JAK2: variants seen among roughly 807,000 people sequenced by gnomAD.
JAK2 encodes tyrosine-protein kinase JAK2.
Under a neutral mutation model 139.3 loss-of-function variants are expected in JAK2, and 86 were observed. That is an observed-to-expected ratio of 0.62 (90% CI 0.52 to 0.74). The LOEUF (loss-of-function observed/expected upper bound fraction) is 0.74. Among genes scored for constraint, JAK2 ranks in the 30% least tolerant of loss-of-function variants. JAK2 has a pLI of 0.00. For missense variants in JAK2, 1,421 were observed against 1,360.3 expected, an observed-to-expected ratio of 1.04 and a Z score of -0.70; for synonymous variants, 490 against 437.7, an observed-to-expected ratio of 1.12 and a Z score of -1.49.
chr9:5,111,272 TCAGG>T (rs1822495637), intron 22 of JAK2: 3 of 490,668 alleles, frequency 6.1e-6, no homozygotes, highest in South Asian at 1.8e-5. Context: ...GCAGCCTGAC[TCAGG>T]CTGGCTTCCT....
intron 2 of JAK2, among the ~76,000 whole-genome samples, chr9:5,015,752 T>C (rs1284703440): frequency 1.3e-5 from 2 of 152,214 alleles, no homozygotes; most frequent in Non-Finnish European, 2.9e-5. Flanking sequence ...ATGCATTTTC[T>C]AAATGATTGA....
At chr9:5,063,119 G>A (rs1438164553) in intron 8 of JAK2, among the ~76,000 whole-genome samples, 1 of 151,988 alleles carries the variant, frequency 6.6e-6, no homozygotes, top group Non-Finnish European at 1.5e-5. Context: ...TTTGGTTGAG[G>A]ACTCTATTCT....
At chr9:5,022,313 T>A in intron 3 of JAK2, 100 bp downstream of exon 3, 1 of 710,366 alleles carries the variant, frequency 1.4e-6, no homozygotes, top group South Asian at 2.3e-5. Context: ...TTTATTTTTT[T>A]AATGCTTGTA....
At chr9:5,119,479 C>CTAT (rs1216053499) in intron 22 of JAK2, among the ~76,000 whole-genome samples, 6 of 151,566 alleles carry the variant, frequency 4.0e-5, no homozygotes, top group Non-Finnish European at 8.8e-5. Context: ...GTATCTCTGC[C>CTAT]TATACATGTG....
chr9:5,035,684 T>C (rs559429637), intron 4 of JAK2, among the ~76,000 whole-genome samples: 1 of 152,316 alleles, frequency 6.6e-6, no homozygotes, highest in East Asian at 1.9e-4. Context: ...TCAACAACCC[T>C]TCATGCTAAA....
chr9:5,105,645 C>T (rs2094620), intron 22 of JAK2, among the ~76,000 whole-genome samples: 24,413 of 152,122 alleles, frequency 0.16, 2,263 homozygotes, highest in Middle Eastern at 0.22. Flanking sequence ...GGAGGCATCA[C>T]ACTACGTAAC....
At chr9:5,012,120 C>T (rs1821743545) in intron 2 of JAK2, among the ~76,000 whole-genome samples, 1 of 152,170 alleles carries the variant, frequency 6.6e-6, no homozygotes, top group South Asian at 2.1e-4. Flanking sequence ...CAATTTTTGG[C>T]TTTTCTAGCA....
At chr9:5,020,328 C>T (rs981179221) in intron 2 of JAK2, among the ~76,000 whole-genome samples, 3 of 152,106 alleles carry the variant, frequency 2.0e-5, no homozygotes, top group Admixed American at 6.5e-5. Context: ...CTGGTGCGAT[C>T]CCAAGGCCCC....
chr9:5,087,790 C>A (rs1820249214), intron 19 of JAK2, among the ~76,000 whole-genome samples: 1 of 152,148 alleles, frequency 6.6e-6, no homozygotes, highest in African/African-American at 2.4e-5. Context: ...ATCTTTTGAA[C>A]AGCTAATTAA....
At chr9:5,006,855 A>G (rs998335985) in intron 2 of JAK2, among the ~76,000 whole-genome samples, 2 of 152,176 alleles carry the variant, frequency 1.3e-5, no homozygotes, top group Admixed American at 6.5e-5. Flanking sequence ...TTCAAATTTT[A>G]TATTTCTTCT....
intron 13 of JAK2, 141 bp from the exon 14 acceptor site, chr9:5,073,557 G>T (rs751240970): frequency 2.3e-4 from 152 of 663,490 alleles, no homozygotes; most frequent in Non-Finnish European, 3.2e-4. Context: ...CCATATAAAG[G>T]GACCAAAGCA....
intron 5 of JAK2, among the ~76,000 whole-genome samples, chr9:5,045,861 T>G (rs1290782837): frequency 6.6e-6 from 1 of 152,190 alleles, no homozygotes; most frequent in African/African-American, 2.4e-5. Context: ...GGTAAACAAA[T>G]ATTTCCTTGA....
Position 5,127,878 on chromosome 9 carries a change from G to A in JAK2, c.*1087G>A, listed in dbSNP as rs199991050. 4 of 232,454 alleles carry A rather than the reference G, an allele frequency of 1.7e-5. No homozygotes were observed. In the East Asian group the frequency reaches 2.4e-4, roughly 14 times the overall value. 14.4% of individuals were successfully genotyped at this position (232,454 alleles called of 1,614,324 possible). ...AGAGATTTATTTCCTTTTTAGAGGG[G>A]AAATGAGGTAAATAAGTAAAAAAGT... On this transcript the variant is annotated 3_prime_UTR_variant, in exon 25 of 25. Coordinates refer to ENST00000381652, the MANE Select transcript of JAK2 (RefSeq NM_004972.4).
intron 5 of JAK2, 30 bp from the exon 6 acceptor site, chr9:5,050,656 G>A: frequency 6.3e-7 from 1 of 1,591,894 alleles, no homozygotes; most frequent in Non-Finnish European, 8.6e-7. Context: ...AACTTACGAT[G>A]AGATATTTCC....
At chr9:4,992,131 G>C (rs1188938103) in intron 2 of JAK2, among the ~76,000 whole-genome samples, 1 of 152,178 alleles carries the variant, frequency 6.6e-6, no homozygotes, top group Non-Finnish European at 1.5e-5. Flanking sequence ...TGAAGGCAAA[G>C]GACTGGAATC....
intron 4 of JAK2, among the ~76,000 whole-genome samples, chr9:5,043,967 A>C (rs1229685369): frequency 6.6e-6 from 1 of 152,238 alleles, no homozygotes; most frequent in Non-Finnish European, 1.5e-5. Context: ...TATCTCAATA[A>C]AGGTGTTACT....
chr9:5,107,049 C>T lies in JAK2; in HGVS notation c.3060-15955C>T, dbSNP rs375710681. On this transcript the variant is annotated intron_variant, in intron 22 of 24. Transcript: ENST00000381652. ...GTATAATAAAAATATATATACATCA[C>T]TTTACATCCAACCAGCACTTTGGCT... Among the ~76,000 whole-genome samples the T allele has an allele frequency of 7.2e-5, 11 of 152,086 alleles. No homozygotes were observed. In the East Asian group the frequency reaches 1.7e-3, roughly 24 times the overall value.
intron 4 of JAK2, among the ~76,000 whole-genome samples, chr9:5,034,937 A>G (rs1823464544): frequency 6.6e-6 from 1 of 152,090 alleles, no homozygotes; most frequent in East Asian, 1.9e-4. Flanking sequence ...AAAAAAATCA[A>G]TGAATGCTGG....
chr9:4,991,370 T>C (rs540256556), intron 2 of JAK2, among the ~76,000 whole-genome samples: 1 of 152,330 alleles, frequency 6.6e-6, no homozygotes, highest in Non-Finnish European at 1.5e-5. Context: ...CATTAGTTCT[T>C]ACTAAGTGGT....
Sources: gnomAD v4.1 joint callset for allele counts (sites outside exome capture counted in the v4.1 genomes callset) on GRCh38, gnomAD v4.1.1 for gene constraint, MANE v1.5 for transcripts, NCBI Gene and HGNC (gene_info 2026-07-23, HGNC 2026-07-21) for gene names.